ANK2: variants seen among roughly 807,000 people sequenced by gnomAD.
The protein encoded by ANK2 is ankyrin 2.
In ANK2, 83 loss-of-function variants were observed where a neutral mutation model predicts 360.5. The observed-to-expected ratio is 0.23, with a 90% CI of 0.19 to 0.28. The LOEUF is 0.28. Ranked by LOEUF, ANK2 falls within the 10% of genes least tolerant of loss-of-function variation. The pLI is 1.00. For synonymous variants in ANK2, 1,740 were observed against 1,759.5 expected (o/e 0.99, Z 0.28); for missense variants, 4,201 against 4,795.7 (o/e 0.88, Z 3.66).
At chr4:112,876,466 G>A (rs374377261) in intron 1 of ANK2, among the ~76,000 whole-genome samples, 1 of 152,040 alleles carries the variant, frequency 6.6e-6, no homozygotes, top group Admixed American at 6.5e-5. Context: ...AGGAAACTGC[G>A]GGGATGGAAA....
At chr4:112,705,942 T>C in the ANK2 span, among the ~76,000 whole-genome samples, 1 of 150,138 alleles carries the variant, frequency 6.7e-6, no homozygotes, top group Non-Finnish European at 1.5e-5. Flanking sequence ...GGGATGTAGG[T>C]GGCGCGGGAG....
rs544871774 is a variant in ANK2, at chr4:112,874,080, C to CTTTT, written c.-39-30359_-39-30356dup. On this transcript the variant is annotated intron_variant, in intron 1 of 30. Transcript: ENST00000503271. ...CACACACAAAAGCTCTTGGGGTTCTCTTTTTTTTTTTTTTTTTTTGAGTCA... is the reference window on the plus strand; with the variant it reads ...CACACACAAAAGCTCTTGGGGTTCTCTTTTTTTTTTTTTTTTTTTTTTTGAGTCA... 4.1e-5 allele frequency among the ~76,000 whole-genome samples: 5 copies of CTTTT among 122,134 alleles called. 1 individual carries two copies. The highest frequency in any genetic ancestry group is 2.5e-4 in the East Asian group (1 of 3,970). 80.1% of individuals were successfully genotyped at this position (122,134 alleles called of 152,430 possible).
At chr4:113,049,899 C>A in intron 1 of ANK2, 87 bp downstream of exon 1, 2 of 1,492,248 alleles carry the variant, frequency 1.3e-6, no homozygotes, top group Admixed American at 1.8e-5. Context: ...GCTATGGAAA[C>A]CGTGGAGCAT....
At chr4:113,293,311 T>C in intron 21 of ANK2, 129 bp from the exon 22 acceptor site, 1 of 812,794 alleles carries the variant, frequency 1.2e-6, no homozygotes, top group Non-Finnish European at 2.1e-6. Context: ...TAAAAACTAG[T>C]GATTTTCCTA....
intron 2 of ANK2, among the ~76,000 whole-genome samples, chr4:112,923,803 G>A (rs1456430995): frequency 1.3e-5 from 2 of 152,090 alleles, no homozygotes; most frequent in Non-Finnish European, 2.9e-5. Context: ...AATTTGGAAA[G>A]GAATATAATA....
chr4:112,709,506 T>C, the ANK2 span, among the ~76,000 whole-genome samples: 1 of 152,180 alleles, frequency 6.6e-6, no homozygotes, highest in East Asian at 1.9e-4. Context: ...CCCAGCACTT[T>C]TGGAGGCCGA....
At chr4:113,044,394 G>A (rs1320510160) in intron 2 of ANK2, among the ~76,000 whole-genome samples, 5 of 152,142 alleles carry the variant, frequency 3.3e-5, no homozygotes, top group East Asian at 1.9e-4. Context: ...AGGCTTCAAC[G>A]TGGCGTACAC....
intron 17 of ANK2, among the ~76,000 whole-genome samples, chr4:113,280,569 T>A (rs1406473256): frequency 2.0e-5 from 3 of 152,214 alleles, no homozygotes; most frequent in Non-Finnish European, 4.4e-5. Context: ...ACTCTCTTTC[T>A]GCTCATTATA....
Position 113,094,652 on chromosome 4 carries a change from T to C in ANK2, c.84+44840T>C, listed in dbSNP as rs2090205031. On this transcript the variant is annotated intron_variant, in intron 1 of 45. Transcript: ENST00000357077. ...TTGACATAGATATTTAGTGTACATA[T>C]TTAGTGTGGGGTACAATTTGATAAA... Among the ~76,000 whole-genome samples, 3 of 152,202 alleles carry C rather than the reference T, an allele frequency of 2.0e-5. No homozygotes were observed. The South Asian group carries it at 6.2e-4, about 31-fold the overall frequency.
the ANK2 span, among the ~76,000 whole-genome samples, chr4:112,779,683 T>C: frequency 1.3e-5 from 2 of 152,330 alleles, no homozygotes; most frequent in African/African-American, 4.8e-5. Flanking sequence ...AGTTCTGGAA[T>C]GTGGAGTACT....
At chr4:113,084,037 T>C (rs2083496013) in intron 1 of ANK2, among the ~76,000 whole-genome samples, 1 of 152,176 alleles carries the variant, frequency 6.6e-6, no homozygotes, top group Non-Finnish European at 1.5e-5. Context: ...CTCAAGTTTA[T>C]AAAGATGTGT....
intron 2 of ANK2, among the ~76,000 whole-genome samples, chr4:113,015,696 A>G (rs949633768): frequency 1.3e-5 from 2 of 152,328 alleles, no homozygotes; most frequent in Non-Finnish European, 2.9e-5. Flanking sequence ...TCACAAGGTA[A>G]TTTAAAAGTA....
chr4:112,977,202 G>A (rs1171325060), intron 2 of ANK2, among the ~76,000 whole-genome samples: 6 of 152,038 alleles, frequency 3.9e-5, no homozygotes, highest in South Asian at 2.1e-4. Context: ...AAAAAACAAC[G>A]AGTTGATGAT....
chr4:112,779,220 T>TA, the ANK2 span, among the ~76,000 whole-genome samples: 3 of 151,960 alleles, frequency 2.0e-5, no homozygotes, highest in Non-Finnish European at 4.4e-5. Context: ...TTCTGCTTTT[T>TA]AAAAAAAAGC....
Position 113,311,846 on chromosome 4 carries a change from A to G in ANK2, c.2693+447A>G, listed in dbSNP as rs556979337. Among the ~76,000 whole-genome samples, 9 of 152,354 alleles carry G rather than the reference A, an allele frequency of 5.9e-5. 1 individual carries two copies. The highest frequency in any genetic ancestry group is 3.4e-3 in the Middle Eastern group (1 of 294). On this transcript the variant is annotated intron_variant, in intron 24 of 45. Transcript: ENST00000357077. Reference sequence around the variant, plus strand: ...AAGTATGTTGTGAGGCTGAATTAAAAAGAAATACATTCAGAACAAAACTGC... The same window carrying G: ...AAGTATGTTGTGAGGCTGAATTAAAGAGAAATACATTCAGAACAAAACTGC...
At chr4:113,081,303 A>T (rs2082311383) in intron 1 of ANK2, among the ~76,000 whole-genome samples, 1 of 152,180 alleles carries the variant, frequency 6.6e-6, no homozygotes, top group Non-Finnish European at 1.5e-5. Flanking sequence ...TTTTGAAAGG[A>T]GTACCTCTAA....
chr4:112,902,874 G>T (rs1178410228), intron 1 of ANK2, among the ~76,000 whole-genome samples: 1 of 152,200 alleles, frequency 6.6e-6, no homozygotes, highest in African/African-American at 2.4e-5. Flanking sequence ...ACAAAGAGTA[G>T]ATCAAGTAAG....
At chr4:113,132,121 A>G (rs556828293) in intron 1 of ANK2, among the ~76,000 whole-genome samples, 1 of 152,290 alleles carries the variant, frequency 6.6e-6, no homozygotes, top group South Asian at 2.1e-4. Flanking sequence ...ATATGGTGTA[A>G]TGCCACTTGA....
At position 112,953,564 on chromosome 4, in the gene ANK2, G is replaced by A. The variant is rs375507891; in HGVS notation, c.21+49050G>A. 1.8e-4 allele frequency among the ~76,000 whole-genome samples: 28 copies of A among 151,602 alleles called. No individual in the cohort carries two copies. In the East Asian group the frequency reaches 4.4e-3, roughly 24 times the overall value. On this transcript the variant is annotated intron_variant, in intron 2 of 30. Transcript: ENST00000503271. Reference sequence around the variant, plus strand: ...CTTGTTTGTGGAGAGGATTACATACGTTTGGTTTGCATTAATTGCAGAGCT... The same window carrying A: ...CTTGTTTGTGGAGAGGATTACATACATTTGGTTTGCATTAATTGCAGAGCT...
Sources: allele counts gnomAD v4.1 joint callset (sites outside exome capture counted in the v4.1 genomes callset), GRCh38; gene constraint gnomAD v4.1.1; transcripts MANE v1.5; gene names NCBI Gene and HGNC (gene_info 2026-07-23, HGNC 2026-07-21).